The following SPCS2 variants were observed in gnomAD, a reference collection of about 807,000 sequenced individuals.
The protein encoded by SPCS2 is SPase 25 kDa subunit.
Under a neutral mutation model 22.3 loss-of-function variants are expected in SPCS2, and 3 were observed. The ratio of observed to expected loss-of-function variants is 0.13; its 90% CI spans 0.06 to 0.35. The LOEUF (loss-of-function observed/expected upper bound fraction) is 0.35. Ranked by LOEUF, SPCS2 falls within the 10% of genes least tolerant of loss-of-function variation. SPCS2 has a pLI of 1.00. For missense variants in SPCS2, 169 were observed against 280.9 expected (o/e 0.60, Z 2.85); for synonymous variants, 67 against 97.2 (o/e 0.69, Z 1.83).
chr11:74,950,852 A>G (rs1467491104), intron 1 of SPCS2, among the ~76,000 whole-genome samples: 1 of 152,142 alleles, frequency 6.6e-6, no homozygotes, highest in Non-Finnish European at 1.5e-5. Flanking sequence ...CTGGCCTCAC[A>G]CTCAAACCTT....
chr11:74,953,980 A>G (rs569033791), intron 1 of SPCS2, among the ~76,000 whole-genome samples: 17 of 152,230 alleles, frequency 1.1e-4, no homozygotes, highest in Non-Finnish European at 2.5e-4. Flanking sequence ...ATCTGTTTAC[A>G]TCAGACTCCT....
intron 4 of SPCS2, among the ~76,000 whole-genome samples, chr11:74,972,486 A>G (rs1052949948): frequency 3.9e-5 from 6 of 152,186 alleles, no homozygotes; most frequent in African/African-American, 1.4e-4. Flanking sequence ...GAGCTCCTTT[A>G]CCATTCACTA....
At chr11:74,955,221 C>T (rs568972119) in intron 1 of SPCS2, among the ~76,000 whole-genome samples, 12 of 152,284 alleles carry the variant, frequency 7.9e-5, no homozygotes, top group Non-Finnish European at 1.6e-4. Context: ...CAATTCCACT[C>T]CTAGGTGTAT....
At chr11:74,960,653 A>G (rs1192524730) in intron 1 of SPCS2, among the ~76,000 whole-genome samples, 1 of 152,166 alleles carries the variant, frequency 6.6e-6, no homozygotes, top group Non-Finnish European at 1.5e-5. Context: ...TTCATGGGAA[A>G]GCAGTGTAGA....
At chr11:74,972,224 C>T (rs534148882) in intron 4 of SPCS2, among the ~76,000 whole-genome samples, 3 of 152,180 alleles carry the variant, frequency 2.0e-5, no homozygotes, top group East Asian at 1.9e-4. Context: ...CGACCACACC[C>T]GGCTAATTTT....
Position 74,966,394 on chromosome 11 carries a change from T to C in SPCS2, c.359+471T>C, listed in dbSNP as rs191685814. ...CATGAGATACAAGTGTGGCTTGTAT[T>C]ACAGTGGAATTAAGAACTTATTCTG... On this transcript the variant is annotated intron_variant, in intron 3 of 4. Coordinates refer to ENST00000263672, the MANE Select transcript of SPCS2 (RefSeq NM_014752.3). Among the ~76,000 whole-genome samples, 164 of 152,338 alleles carry C rather than the reference T, an allele frequency of 1.1e-3. 2 individuals are homozygous for C. In the East Asian group the frequency reaches 0.027, roughly 25 times the overall value.
At chr11:74,954,639 G>C (rs1395076552) in intron 1 of SPCS2, among the ~76,000 whole-genome samples, 1 of 152,184 alleles carries the variant, frequency 6.6e-6, no homozygotes, top group Non-Finnish European at 1.5e-5. Context: ...AATTGTGTGT[G>C]TGTGTTTAAT....
chr11:74,954,135 C>T (rs1264421026), intron 1 of SPCS2, among the ~76,000 whole-genome samples: 1 of 152,184 alleles, frequency 6.6e-6, no homozygotes, highest in Non-Finnish European at 1.5e-5. Flanking sequence ...TTTTTAAAGT[C>T]TCTTCTGGTT....
At chr11:74,967,933 C>CA (rs952042564) in intron 3 of SPCS2, among the ~76,000 whole-genome samples, 15 of 145,430 alleles carry the variant, frequency 1.0e-4, no homozygotes, top group African/African-American at 2.0e-4. Context: ...GACCCTGTCT[C>CA]AAAAAAAAAA....
At chr11:74,969,803 T>C (rs1948570155) in intron 4 of SPCS2, 104 bp downstream of exon 4, 2 of 1,320,234 alleles carry the variant, frequency 1.5e-6, no homozygotes, top group Non-Finnish European at 2.2e-6. Context: ...ATGTGGATCA[T>C]AGGGCTAGTC....
intron 1 of SPCS2, among the ~76,000 whole-genome samples, chr11:74,958,700 A>G (rs935937351): frequency 6.6e-6 from 1 of 152,050 alleles, no homozygotes; most frequent in Non-Finnish European, 1.5e-5. Flanking sequence ...TCCAAGCCCT[A>G]ATTCTAGTAG....
chr11:74,966,088 T>C (rs1439919376), intron 3 of SPCS2, among the ~76,000 whole-genome samples, 165 bp downstream of exon 3: 2 of 152,248 alleles, frequency 1.3e-5, no homozygotes, highest in South Asian at 4.1e-4. Context: ...TATCAGTTTA[T>C]ATAGTAACTG....
intron 1 of SPCS2, among the ~76,000 whole-genome samples, chr11:74,956,154 C>CCCT (rs1704731254): frequency 6.6e-6 from 1 of 151,560 alleles, no homozygotes; most frequent in South Asian, 2.1e-4. Context: ...ATTGCCAGTC[C>CCCT]CTGAGCTTAT....
chr11:74,949,318 C>A lies in SPCS2; in HGVS notation c.33C>A (p.Ser11Arg). 6.5e-7 allele frequency: 1 copy of A among 1,550,284 alleles called. No homozygotes were observed. The highest frequency in any genetic ancestry group is 1.2e-5 in the South Asian group (1 of 83,984). The change falls in exon 1 of 5, where the codon AGC (serine) becomes AGA (arginine). Residue 11 changes from serine to arginine, a missense_variant. By Grantham distance (110) the Ser-to-Arg change is moderately radical. Coordinates refer to ENST00000263672, the MANE Select transcript of SPCS2 (RefSeq NM_014752.3). ...CGGCAGCTGTACAGGGCGGGAGAAG[C>A]GGTGGTAGCGGAGGCTGTAGTGGGG... MAAAAVQGGR[S>R]GGSGGCSGAG...
chr11:74,955,884 A>ATATATC lies in SPCS2; in HGVS notation c.114+6488_114+6489insATCTAT, dbSNP rs1555115691. Among the ~76,000 whole-genome samples, 4 of 127,842 alleles carry ATATATC rather than the reference A, an allele frequency of 3.1e-5. No individual in the cohort carries two copies. In the Admixed American group the frequency reaches 3.2e-4, roughly 10 times the overall value. 83.9% of individuals were successfully genotyped at this position (127,842 alleles called of 152,430 possible). A position where few individuals can be genotyped will look rare whatever the true frequency, so the allele number is the denominator to read the frequency against. On this transcript the variant is annotated intron_variant, in intron 1 of 4. Coordinates refer to ENST00000263672, the MANE Select transcript of SPCS2 (RefSeq NM_014752.3). ...TATATATATATATATATATATATAT[A>ATATATC]TATCTGCCTGCCTAGGTACCTTTTT...
At chr11:74,958,180 T>C (rs556723661) in intron 1 of SPCS2, among the ~76,000 whole-genome samples, 1 of 152,314 alleles carries the variant, frequency 6.6e-6, no homozygotes, top group Non-Finnish European at 1.5e-5. Flanking sequence ...GTGTAAAACC[T>C]AAGAATCAGT....
At chr11:74,955,240 G>A (rs977809253) in intron 1 of SPCS2, among the ~76,000 whole-genome samples, 7 of 152,106 alleles carry the variant, frequency 4.6e-5, no homozygotes, top group Middle Eastern at 3.2e-3. Context: ...ATACCCAAGA[G>A]AACTGAAAAT....
intron 3 of SPCS2, among the ~76,000 whole-genome samples, chr11:74,968,993 A>G (rs1307187760): frequency 1.3e-5 from 2 of 152,240 alleles, no homozygotes; most frequent in Admixed American, 6.5e-5. Flanking sequence ...TAAATGGCAC[A>G]GTATACACAA....
intron 1 of SPCS2, among the ~76,000 whole-genome samples, chr11:74,960,269 T>C (rs1381742299): frequency 6.6e-6 from 1 of 152,154 alleles, no homozygotes; most frequent in East Asian, 1.9e-4. Flanking sequence ...GAGGCGGAGG[T>C]TACAGTGAGC....
Sources: gnomAD v4.1 joint callset for allele counts (sites outside exome capture counted in the v4.1 genomes callset) on GRCh38, gnomAD v4.1.1 for gene constraint, MANE v1.5 for transcripts, NCBI Gene and HGNC (gene_info 2026-07-23, HGNC 2026-07-21) for gene names.